DOP1A: variants seen among roughly 807,000 people sequenced by gnomAD.
The protein encoded by DOP1A is DOP1 leucine zipper like protein A.
DOP1A carries 90 observed loss-of-function variants against 267.6 expected under a neutral mutation model. That is an observed-to-expected ratio of 0.34 (90% confidence interval 0.28 to 0.40). DOP1A has a LOEUF of 0.40. Among genes scored for constraint, DOP1A ranks in the 10% least tolerant of loss-of-function variants. The probability of loss-of-function intolerance (pLI) is 1.00; values close to 1 mark genes in which losing one functional copy is unlikely to be tolerated. For missense variants in DOP1A, 2,437 were observed against 2,900.4 expected (o/e 0.84, Z 3.67); for synonymous variants, 932 against 999.1 (o/e 0.93, Z 1.27).
chr6:83,071,887 A>G (rs977872117), intron 1 of DOP1A, among the ~76,000 whole-genome samples: 1 of 152,316 alleles, frequency 6.6e-6, no homozygotes, highest in East Asian at 1.9e-4. Flanking sequence ...GGAACCTGTT[A>G]TATGACAAAG....
At chr6:83,070,023 A>G (rs1785334667) in intron 1 of DOP1A, among the ~76,000 whole-genome samples, 1 of 152,208 alleles carries the variant, frequency 6.6e-6, no homozygotes, top group South Asian at 2.1e-4. Flanking sequence ...TACAAACAGG[A>G]TGTGTGCTGA....
intron 33 of DOP1A, among the ~76,000 whole-genome samples, 198 bp downstream of exon 33, chr6:83,154,439 CTT>C (rs1324793107): frequency 6.6e-6 from 1 of 152,170 alleles, no homozygotes; most frequent in Non-Finnish European, 1.5e-5. Flanking sequence ...CAGAGGACAA[CTT>C]AAGTGATAAG....
chr6:83,084,905 TA>T (rs1372041242), intron 1 of DOP1A, among the ~76,000 whole-genome samples: 4 of 152,160 alleles, frequency 2.6e-5, no homozygotes, highest in Non-Finnish European at 5.9e-5. Flanking sequence ...TAGGATTTTT[TA>T]AATCTCCTTT....
chr6:83,140,858 TA>T (rs1444381139), intron 23 of DOP1A, among the ~76,000 whole-genome samples: 1 of 152,114 alleles, frequency 6.6e-6, no homozygotes, highest in Non-Finnish European at 1.5e-5. Flanking sequence ...ATACATGTTA[TA>T]ACTTTATTCC....
chr6:83,133,797 G>C (rs1315127508), intron 18 of DOP1A, among the ~76,000 whole-genome samples: 1 of 151,998 alleles, frequency 6.6e-6, no homozygotes. Context: ...AAAATATATA[G>C]TGCAATGAAA....
chr6:83,115,737 A>T (rs1162273620), intron 7 of DOP1A, among the ~76,000 whole-genome samples: 1 of 152,170 alleles, frequency 6.6e-6, no homozygotes. Context: ...AAAAAGAAAA[A>T]GAGAATACAA....
chr6:83,068,508 G>T (rs928976375), intron 1 of DOP1A, among the ~76,000 whole-genome samples: 1 of 152,096 alleles, frequency 6.6e-6, no homozygotes, highest in African/African-American at 2.4e-5. Flanking sequence ...GAGTTCTATG[G>T]CGTTTGAGAA....
Position 83,134,234 on chromosome 6 carries a change from A to G in DOP1A, c.2817A>G (p.Leu939=). 2 of 1,613,074 alleles carry G rather than the reference A, an allele frequency of 1.2e-6. No homozygotes were observed. Among genetic ancestry groups the G allele is most frequent in the Non-Finnish European group, 1.7e-6 (2 of 1,179,416 alleles). The change falls in exon 19 of 39, where the codon CTA becomes CTG. Residue 939 remains leucine, a synonymous_variant. Transcript: ENST00000349129. ...CCAAGTTTGCAGTTCTTTGGCATCT[A>G]ACGAGAGATCTCCATATAAATAAAT... ...AHAKFAVLWH[L]TRDLHINKSS... is the part of the protein sequence containing the mutation.
Position 83,109,008 on chromosome 6 carries a change from T to C in DOP1A, c.419T>C (p.Leu140Pro). ...EIYYLPLGKT[L>P]KPGLQGLLTG... ...TATTATCTGCCTTTGGGTAAAACAC[T>C]GAAACCTGGTCTACAGGGATTGCTT... The change falls in exon 5 of 39, where the codon CTG becomes CCG. Residue 140 changes from leucine to proline, a missense_variant. Coordinates refer to ENST00000349129, the MANE Select transcript of DOP1A (RefSeq NM_015018.4). 6.2e-7 allele frequency: 1 copy of C among 1,613,840 alleles called. No individual in the cohort carries two copies. Among genetic ancestry groups the C allele is most frequent in the Non-Finnish European group, 8.5e-7 (1 of 1,179,882 alleles).
intron 4 of DOP1A, among the ~76,000 whole-genome samples, chr6:83,101,826 AC>A (rs1235659432): frequency 4.6e-5 from 7 of 152,242 alleles, no homozygotes; most frequent in African/African-American, 1.7e-4. Flanking sequence ...CTGTAGATAA[AC>A]AAATTAACAT....
At chr6:83,099,634 T>G (rs1485765838) in intron 3 of DOP1A, among the ~76,000 whole-genome samples, 13 of 152,090 alleles carry the variant, frequency 8.5e-5, no homozygotes, top group Non-Finnish European at 1.6e-4. Context: ...CCAAGTTGTT[T>G]ATGAAGCTTA....
downstream of DOP1A, chr6:83,169,113 A>G (rs1257474478): frequency 6.7e-7 from 1 of 1,490,484 alleles, no homozygotes; most frequent in Admixed American, 2.3e-5. Flanking sequence ...AGATCTAGAG[A>G]CAATCCAGTA....
In DOP1A at chr6:83,138,944, C is replaced by A. The variant is rs749476352; in HGVS notation, c.4902C>A (p.Ile1634=). The change falls in exon 21 of 39, where the codon ATC becomes ATA. Residue 1634 remains isoleucine (I), a synonymous_variant. Coordinates refer to ENST00000349129, the MANE Select transcript of DOP1A (RefSeq NM_015018.4). ...TTCAGTATTTGCATGCTCAGCCAAT[C>A]ACATGTCAAGGCATGTTCCTCTGTG... The part of the protein sequence containing the change: ...TSLQYLHAQP[I]TCQGMFLCAV... 1.2e-6 allele frequency: 2 copies of A among 1,614,044 alleles called. No homozygotes were observed. The highest frequency in any genetic ancestry group is 1.7e-6 in the Non-Finnish European group (2 of 1,179,948).
At chr6:83,087,553 G>C (rs781583502) in intron 1 of DOP1A, among the ~76,000 whole-genome samples, 5 of 152,192 alleles carry the variant, frequency 3.3e-5, no homozygotes, top group Non-Finnish European at 7.3e-5. Context: ...AAAGTGAAGA[G>C]TAATGACTAG....
In DOP1A at chr6:83,138,564, G is replaced by A; in HGVS notation, c.4522G>A (p.Ala1508Thr). Residue 1508 changes from alanine to threonine, a missense_variant, in exon 21 of 39, where the codon GCG (alanine) becomes ACG (threonine). Coordinates refer to ENST00000349129, the MANE Select transcript of DOP1A (RefSeq NM_015018.4). ...TELAKVIESS[A>T]KGFPSFISDM... ...GCTGGCAAAAGTAATAGAAAGCTCA[G>A]CGAAGGGTTTCCCTAGTTTTATTTC... The A allele has an allele frequency of 6.2e-7, 1 of 1,613,834 alleles. No homozygotes were observed. The highest frequency in any genetic ancestry group is 8.5e-7 in the Non-Finnish European group (1 of 1,179,944).
At chr6:83,110,006 A>G in intron 5 of DOP1A, 119 bp from the exon 6 acceptor site, 1 of 1,034,492 alleles carries the variant, frequency 9.7e-7, no homozygotes, top group Non-Finnish European at 1.3e-6. Context: ...ACTTGTTTCC[A>G]GGGTGGAACA....
At chr6:83,107,339 A>T (rs1414794483) in intron 4 of DOP1A, among the ~76,000 whole-genome samples, 1 of 152,154 alleles carries the variant, frequency 6.6e-6, no homozygotes, top group Non-Finnish European at 1.5e-5. Flanking sequence ...CCTGGAAGAG[A>T]CTGAGAGACT....
chr6:83,087,996 C>G (rs911725877), intron 1 of DOP1A, among the ~76,000 whole-genome samples: 1 of 152,050 alleles, frequency 6.6e-6, no homozygotes, highest in Non-Finnish European at 1.5e-5. Context: ...CTCAGCCTCC[C>G]GAGTAGTTGG....
intron 1 of DOP1A, among the ~76,000 whole-genome samples, chr6:83,080,498 G>A (rs768721916): frequency 1.3e-4 from 20 of 152,136 alleles, no homozygotes; most frequent in Non-Finnish European, 2.9e-4. Flanking sequence ...CCTGTCTTTA[G>A]TAGGTCCTAT....
Sources: allele counts gnomAD v4.1 joint callset (sites outside exome capture counted in the v4.1 genomes callset), GRCh38; gene constraint gnomAD v4.1.1; transcripts MANE v1.5; gene names NCBI Gene and HGNC (gene_info 2026-07-23, HGNC 2026-07-21).